The following OGG1 variants were observed in gnomAD, a reference collection of about 807,000 sequenced individuals.
OGG1 encodes the protein 8-oxoguanine DNA glycosylase.
OGG1 carries 35 observed loss-of-function variants against 42.3 expected under a neutral mutation model. The observed-to-expected ratio is 0.83, with a 90% CI of 0.63 to 1.10. The LOEUF (loss-of-function observed/expected upper bound fraction) is 1.10, where lower values mean the gene tolerates loss of function less well. Among genes scored for constraint, OGG1 ranks in the 50% least tolerant of loss-of-function variants. The probability of loss-of-function intolerance (pLI) is 0.00; values close to 1 mark genes in which losing one functional copy is unlikely to be tolerated. For synonymous variants in OGG1, 189 were observed against 179.0 expected (o/e 1.06, Z -0.44); for missense variants, 484 against 446.7 (o/e 1.08, Z -0.75).
Position 9,763,261 on chromosome 3 carries a change from T to G in OGG1, c.1049-2548T>G, listed in dbSNP as rs1292764216. 6 of 1,611,902 alleles carry G rather than the reference T, an allele frequency of 3.7e-6. No homozygotes were observed. In the South Asian group the frequency reaches 5.5e-5, roughly 15 times the overall value. On this transcript the variant is annotated intron_variant, in intron 7 of 7. Coordinates refer to the OGG1 transcript ENST00000302008. The stretch of plus-strand genomic sequence containing the variant: ...TTAGCCAGGCATGGCGGTGTGCACC[T>G]GTAGTCCAAGCTACTTGGGAACTTG...
At chr3:9,787,253 C>T (rs755442127) in intron 3 of OGG1, 27 of 1,614,122 alleles carry the variant, frequency 1.7e-5, no homozygotes, top group Admixed American at 1.3e-4. Flanking sequence ...TTGTCAGCCA[C>T]AGCCGCTGCC....
rs1284715337 is a variant in OGG1, at chr3:9,751,080, C to T, written c.273C>T (p.Asp91=). The T allele has an allele frequency of 1.9e-6, 3 of 1,614,050 alleles. No individual in the cohort carries two copies. The highest frequency in any genetic ancestry group is 3.3e-4 in the Middle Eastern group (2 of 6,060). ...GCCAGGCTAGCAGGCCCACACCAGA[C>T]GAGCTGGAGGCCGTGCGCAAGTACT... ...DKSQASRPTP[D]ELEAVRKYFQ... is the part of the protein sequence containing the mutation. The change falls in exon 2 of 7, where the codon GAC becomes GAT. Residue 91 remains aspartate (D), a synonymous_variant. Coordinates refer to ENST00000344629, the MANE Select transcript of OGG1 (RefSeq NM_002542.6).
chr3:9,774,675 T>C (rs1265695941), intron 2 of OGG1, among the ~76,000 whole-genome samples: 2 of 152,092 alleles, frequency 1.3e-5, no homozygotes, highest in African/African-American at 2.4e-5. Flanking sequence ...ATCTCACTAG[T>C]GATACAAAAA....
chr3:9,757,712 C>G (rs745547044), downstream of OGG1: 1 of 1,614,066 alleles, frequency 6.2e-7, no homozygotes, highest in South Asian at 1.1e-5. This position sits in a 1 kb window ranked among gnomAD's most constrained non-coding sequence, Gnocchi z 4.5. Flanking sequence ...TGCCCTTCTG[C>G]AGAGCCCGCT....
downstream of OGG1, chr3:9,759,044 C>A: frequency 1.3e-6 from 1 of 754,678 alleles, no homozygotes; most frequent in Non-Finnish European, 2.4e-6. Flanking sequence ...AGAGGCCTGG[C>A]CCCTTACCTG....
chr3:9,754,859 T>A lies in OGG1; in HGVS notation c.721T>A (p.Cys241Ser), dbSNP rs1419684880. Residue 241 changes from cysteine (C) to serine (S), a missense_variant, in exon 4 of 7, where the codon TGC (cysteine) becomes AGC (serine). Cys to Ser is a moderately radical substitution (Grantham distance 112, BLOSUM62 -1). Transcript: ENST00000344629. ...ATATGAGGAGGCCCACAAGGCCCTC[T>A]GCATCCTGCCTGGAGTGGGCACCAA... ...SSYEEAHKALCILPGVGTKVA... is the reference protein window; with the variant it reads ...SSYEEAHKALSILPGVGTKVA... 6.2e-7 allele frequency: 1 copy of A among 1,604,312 alleles called. No homozygotes were observed.
downstream of OGG1, among the ~76,000 whole-genome samples, chr3:9,768,401 C>T (rs2078215320): frequency 6.6e-6 from 1 of 152,256 alleles, no homozygotes; most frequent in African/African-American, 2.4e-5. Context: ...AGAAATGGTC[C>T]TGCTCACTCT....
At chr3:9,768,522 T>C (rs760150449), downstream of OGG1, among the ~76,000 whole-genome samples, 18 of 152,072 alleles carry the variant, frequency 1.2e-4, no homozygotes, top group Non-Finnish European at 1.9e-4. Context: ...AGATGAAGAA[T>C]GGGGAGACTG....
chr3:9,775,101 G>A (rs1028566671), intron 2 of OGG1, among the ~76,000 whole-genome samples: 17 of 151,884 alleles, frequency 1.1e-4, no homozygotes, highest in Non-Finnish European at 1.9e-4. Flanking sequence ...TTAGCTGGGC[G>A]TGGTGGCACA....
downstream of OGG1, among the ~76,000 whole-genome samples, chr3:9,788,820 G>A (rs7627624): frequency 2.2e-3 from 328 of 151,344 alleles, no homozygotes; most frequent in African/African-American, 7.5e-3. Context: ...GATTACAGGC[G>A]TGAGGTGACT....
downstream of OGG1, among the ~76,000 whole-genome samples, chr3:9,768,309 CTG>C (rs1422485529): frequency 6.6e-5 from 10 of 152,222 alleles, no homozygotes; most frequent in African/African-American, 1.9e-4. Context: ...TCTTTCTGCA[CTG>C]TTACCACAGC....
intron 3 of OGG1, chr3:9,787,224 C>A (rs150754899): frequency 5.3e-5 from 85 of 1,614,056 alleles, no homozygotes; most frequent in Admixed American, 1.2e-4. Context: ...CGGTCAGTGG[C>A]CCCATGAGGC....
At chr3:9,750,785 A>G (rs1408112637) in intron 1 of OGG1, 160 bp from the exon 2 acceptor site, 16 of 943,662 alleles carry the variant, frequency 1.7e-5, no homozygotes, top group Middle Eastern at 4.9e-4. Context: ...AAATTTTTGT[A>G]TTTTTTGTAG....
intron 4 of OGG1, 62 bp downstream of exon 4, chr3:9,754,947 A>T: frequency 6.9e-7 from 1 of 1,452,200 alleles, no homozygotes; most frequent in Non-Finnish European, 9.5e-7. Flanking sequence ...GCAGGAAATG[A>T]GCCAAGCCTG....
At chr3:9,750,526 A>G in intron 1 of OGG1, 103 bp downstream of exon 1, 1 of 1,524,464 alleles carries the variant, frequency 6.6e-7, no homozygotes, top group Non-Finnish European at 8.9e-7. Flanking sequence ...GATGGAAGAA[A>G]CCCGGGGTAC....
chr3:9,754,281 G>C (rs1027588685), intron 3 of OGG1, among the ~76,000 whole-genome samples: 1 of 152,252 alleles, frequency 6.6e-6, no homozygotes, highest in African/African-American at 2.4e-5. Context: ...AGTACTGTCA[G>C]TGGGGTTCTT....
At chr3:9,785,243 C>T in intron 3 of OGG1, 1 of 1,241,448 alleles carries the variant, frequency 8.1e-7, no homozygotes, top group Non-Finnish European at 1.2e-6. Context: ...ATGAGGACTT[C>T]CCCAGGTTGA....
downstream of OGG1, chr3:9,759,125 C>T: frequency 7.3e-7 from 1 of 1,373,464 alleles, no homozygotes; most frequent in Non-Finnish European, 1.0e-6. Flanking sequence ...AGCACTTGCA[C>T]TTCCCGGAAT....
chr3:9,778,835 C>T (rs1318776568), intron 2 of OGG1, among the ~76,000 whole-genome samples: 2 of 152,138 alleles, frequency 1.3e-5, no homozygotes, highest in Non-Finnish European at 2.9e-5. Context: ...GGACAAGAAC[C>T]ATGTGTGATG....
Sources: allele counts gnomAD v4.1 joint callset (sites outside exome capture counted in the v4.1 genomes callset), GRCh38; gene constraint gnomAD v4.1.1; non-coding constraint Gnocchi (gnomAD v3.1); transcripts MANE v1.5; gene names NCBI Gene and HGNC (gene_info 2026-07-23, HGNC 2026-07-21).